CADM1: variants seen among roughly 807,000 people sequenced by gnomAD.
CADM1 encodes the protein TSLC-1.
Under a neutral mutation model 53.1 loss-of-function variants are expected in CADM1, and 15 were observed. The ratio of observed to expected loss-of-function variants is 0.28; its 90% CI spans 0.19 to 0.44. The LOEUF is 0.44. CADM1 is among the 20% of genes least tolerant of loss of function. The pLI is 1.00. For synonymous variants in CADM1, 281 were observed against 243.0 expected (o/e 1.16, Z -1.45); for missense variants, 434 against 611.3 (o/e 0.71, Z 3.06).
intron 1 of CADM1, among the ~76,000 whole-genome samples, chr11:115,341,984 A>T (rs1024246630): frequency 6.6e-6 from 1 of 152,182 alleles, no homozygotes; most frequent in Non-Finnish European, 1.5e-5. Flanking sequence ...TATCAACATA[A>T]ATGCTTTAAC....
At chr11:115,291,787 C>T (rs555762084) in intron 1 of CADM1, among the ~76,000 whole-genome samples, 4 of 150,258 alleles carry the variant, frequency 2.7e-5, no homozygotes, top group Admixed American at 2.0e-4. Flanking sequence ...GTATACAGTA[C>T]TACACAGTCA....
intron 1 of CADM1, among the ~76,000 whole-genome samples, chr11:115,341,888 T>C (rs903695904): frequency 2.0e-5 from 3 of 152,208 alleles, no homozygotes; most frequent in Non-Finnish European, 4.4e-5. Context: ...CCCATAGCAA[T>C]GCAAAATTAC....
chr11:115,185,979 G>A (rs1283484425), intron 10 of CADM1, among the ~76,000 whole-genome samples: 1 of 152,160 alleles, frequency 6.6e-6, no homozygotes, highest in African/African-American at 2.4e-5. Flanking sequence ...ACCGTGGCCT[G>A]CCAACTTTTT....
At chr11:115,311,381 C>T (rs79561034) in intron 1 of CADM1, among the ~76,000 whole-genome samples, 2,283 of 152,158 alleles carry the variant, frequency 0.015, 44 homozygotes, top group African/African-American at 0.051. Flanking sequence ...AATCATCCCT[C>T]GGGGATCATC....
intron 1 of CADM1, among the ~76,000 whole-genome samples, chr11:115,400,606 A>ATATAATATATATATATATATCTTTTAT (rs1266352992): frequency 7.3e-6 from 1 of 137,218 alleles, no homozygotes; most frequent in African/African-American, 2.8e-5. Flanking sequence ...TCATATATAT[A>ATATAATATATATATATATATCTTTTAT]ATATATATCT....
At chr11:115,218,302 T>C (rs989642678) in intron 5 of CADM1, among the ~76,000 whole-genome samples, 10 of 152,218 alleles carry the variant, frequency 6.6e-5, no homozygotes, top group African/African-American at 2.2e-4. Flanking sequence ...GGAAACTCAT[T>C]TGCCTTCATG....
chr11:115,329,514 G>C lies in CADM1; in HGVS notation c.125-89094C>G, dbSNP rs571778816. On this transcript the variant is annotated intron_variant, in intron 1 of 11. Coordinates refer to ENST00000331581, the MANE Select transcript of CADM1 (RefSeq NM_001301043.2). ...CTGCATGCTCTAACACCTTATGGGA[G>C]GGGGAGCACACAGAAGGGCAGGTGC... Among the ~76,000 whole-genome samples the C allele has an allele frequency of 2.6e-3, 396 of 152,268 alleles. 3 individuals carry two copies. The highest frequency in any genetic ancestry group is 9.1e-3 in the African/African-American group (378 of 41,560).
rs575515561 is a variant in CADM1, at chr11:115,490,622, A to G, written c.124+13649T>C. ...ACCATATTGGCCAGGCCGATCTCGAACTCCTGACCTTGTGATCCGCCCACC... is the reference window on the plus strand; with the variant it reads ...ACCATATTGGCCAGGCCGATCTCGAGCTCCTGACCTTGTGATCCGCCCACC... On this transcript the variant is annotated intron_variant, in intron 1 of 11. Coordinates refer to ENST00000331581, the MANE Select transcript of CADM1 (RefSeq NM_001301043.2). 1.7e-3 allele frequency among the ~76,000 whole-genome samples: 252 copies of G among 151,908 alleles called. 1 individual carries two copies. Among genetic ancestry groups the G allele is most frequent in the South Asian group, 3.3e-3 (16 of 4,794 alleles).
At chr11:115,444,399 A>G (rs1355164797) in intron 1 of CADM1, among the ~76,000 whole-genome samples, 2 of 152,224 alleles carry the variant, frequency 1.3e-5, no homozygotes. Flanking sequence ...CTGGAGCTGT[A>G]TAATTGGGGA....
chr11:115,268,012 G>C (rs1270469899), intron 1 of CADM1, among the ~76,000 whole-genome samples: 1 of 152,224 alleles, frequency 6.6e-6, no homozygotes, highest in East Asian at 1.9e-4. Flanking sequence ...CAGAGAAGCA[G>C]TGGTTTCACA....
chr11:115,171,617 T>C lies in CADM1; in HGVS notation c.*4857A>G, dbSNP rs532465876. On this transcript the variant is annotated 3_prime_UTR_variant, in exon 12 of 12. Coordinates refer to ENST00000331581, the MANE Select transcript of CADM1 (RefSeq NM_001301043.2). ...TGAGCGGGGACGGCTTCTAGCACCT[T>C]CTCATTTGCATACCCTGTGGAGCTC... 2 of 152,308 alleles carry C rather than the reference T, an allele frequency of 1.3e-5. No individual in the cohort carries two copies. Among genetic ancestry groups the C allele is most frequent in the South Asian group, 4.2e-4 (2 of 4,818 alleles). 9.4% of individuals were successfully genotyped at this position (152,308 alleles called of 1,614,324 possible).
At chr11:115,284,840 A>G (rs964954754) in intron 1 of CADM1, among the ~76,000 whole-genome samples, 18 of 152,328 alleles carry the variant, frequency 1.2e-4, no homozygotes, top group African/African-American at 4.3e-4. Context: ...TATTTTCAAT[A>G]CGTCTAAGTG....
At chr11:115,187,863 C>A (rs1219967915) in intron 10 of CADM1, among the ~76,000 whole-genome samples, 1 of 152,210 alleles carries the variant, frequency 6.6e-6, no homozygotes, top group Non-Finnish European at 1.5e-5. Flanking sequence ...GAATTGCCCT[C>A]CGAGGCCCAT....
intron 1 of CADM1, among the ~76,000 whole-genome samples, chr11:115,329,187 TA>T: frequency 6.6e-6 from 1 of 152,128 alleles, no homozygotes; most frequent in African/African-American, 2.4e-5. Flanking sequence ...AAAATCTGAA[TA>T]TTTTTCAATG....
intron 1 of CADM1, among the ~76,000 whole-genome samples, chr11:115,436,581 T>G (rs1196292351): frequency 6.6e-6 from 1 of 152,204 alleles, no homozygotes; most frequent in African/African-American, 2.4e-5. Context: ...GTTTACTCTG[T>G]CCACTTAATT....
chr11:115,268,805 A>T (rs188638884), intron 1 of CADM1, among the ~76,000 whole-genome samples: 1 of 152,300 alleles, frequency 6.6e-6, no homozygotes, highest in Admixed American at 6.5e-5. Context: ...GTTACCAGTG[A>T]TAAGGTTGGG....
At chr11:115,347,382 T>C (rs1945608684) in intron 1 of CADM1, among the ~76,000 whole-genome samples, 1 of 152,204 alleles carries the variant, frequency 6.6e-6, no homozygotes, top group Non-Finnish European at 1.5e-5. Context: ...TCTCCCCACT[T>C]GGAGTTATTA....
At chr11:115,229,957 G>C (rs1331236261) in intron 4 of CADM1, among the ~76,000 whole-genome samples, 1 of 152,178 alleles carries the variant, frequency 6.6e-6, no homozygotes, top group Non-Finnish European at 1.5e-5. Context: ...CCCAGAAAAG[G>C]AGGGAGGAGG....
chr11:115,398,668 A>C (rs1465436431), intron 1 of CADM1, among the ~76,000 whole-genome samples: 1 of 152,226 alleles, frequency 6.6e-6, no homozygotes, highest in Non-Finnish European at 1.5e-5. Flanking sequence ...TAGATTAAAC[A>C]AAACAATATT....
Sources: gnomAD v4.1 joint callset for allele counts (sites outside exome capture counted in the v4.1 genomes callset) on GRCh38, gnomAD v4.1.1 for gene constraint, MANE v1.5 for transcripts, NCBI Gene and HGNC (gene_info 2026-07-23, HGNC 2026-07-21) for gene names.